The following QTMAN variants were observed in gnomAD, a reference collection of about 807,000 sequenced individuals.
QTMAN encodes queuosine-tRNA mannosyltransferase.
the QTMAN span, chr2:144,319,625 T>C: frequency 6.6e-6 from 1 of 152,116 alleles, no homozygotes; most frequent in Non-Finnish European, 1.5e-5. Flanking sequence ...GCCATACTGG[T>C]GTCACACTCT....
At chr2:144,227,006 T>TGAAACACA in the QTMAN span, among the ~76,000 whole-genome samples, 1 of 152,134 alleles carries the variant, frequency 6.6e-6, no homozygotes, top group Admixed American at 6.5e-5. Flanking sequence ...TGAAATTCTA[T>TGAAACACA]AGTACATAAT....
the QTMAN span, among the ~76,000 whole-genome samples, chr2:144,157,787 C>CTA: frequency 5.2e-3 from 782 of 151,520 alleles, 2 homozygotes; most frequent in Non-Finnish European, 8.0e-3. Context: ...ACATATATAA[C>CTA]TATATATATG....
the QTMAN span, among the ~76,000 whole-genome samples, chr2:143,991,082 A>T: frequency 6.6e-6 from 1 of 152,260 alleles, no homozygotes; most frequent in South Asian, 2.1e-4. Context: ...TATATTATAA[A>T]AAGACATGAA....
At chr2:144,197,780 G>A in the QTMAN span, among the ~76,000 whole-genome samples, 1 of 152,008 alleles carries the variant, frequency 6.6e-6, no homozygotes, top group Non-Finnish European at 1.5e-5. Context: ...TAGATATTTA[G>A]AATCCAATGA....
At chr2:143,946,229 G>A in the QTMAN span, 2 of 151,998 alleles carry the variant, frequency 1.3e-5, no homozygotes, top group African/African-American at 4.8e-5. Flanking sequence ...CTATTTTTAC[G>A]CTGGGAAAAA....
the QTMAN span, among the ~76,000 whole-genome samples, chr2:144,107,432 G>A: frequency 2.6e-5 from 4 of 152,044 alleles, no homozygotes; most frequent in African/African-American, 4.8e-5. Context: ...TATCACCACC[G>A]ATCCCACAGA....
the QTMAN span, among the ~76,000 whole-genome samples, chr2:144,241,848 C>CA: frequency 2.9e-3 from 377 of 130,104 alleles, no homozygotes; most frequent in East Asian, 5.4e-3. Context: ...AATTAAAATA[C>CA]AAAAAAAAAA....
chr2:144,191,903 C>T, the QTMAN span, among the ~76,000 whole-genome samples: 1 of 152,240 alleles, frequency 6.6e-6, no homozygotes, highest in African/African-American at 2.4e-5. Context: ...CACTCCTCTA[C>T]CACAACTAAT....
chr2:144,308,280 C>T, the QTMAN span, among the ~76,000 whole-genome samples: 1 of 151,296 alleles, frequency 6.6e-6, no homozygotes, highest in Non-Finnish European at 1.5e-5. Context: ...GATTCTCCTG[C>T]CTCAGCCTCC....
chr2:144,019,175 C>T, the QTMAN span, among the ~76,000 whole-genome samples: 25 of 152,246 alleles, frequency 1.6e-4, no homozygotes, highest in Middle Eastern at 3.4e-3. Context: ...TCTGAATAAA[C>T]ATTCCAGATA....
chr2:144,205,023 T>A, the QTMAN span, among the ~76,000 whole-genome samples: 1 of 149,754 alleles, frequency 6.7e-6, no homozygotes, highest in Non-Finnish European at 1.5e-5. Flanking sequence ...GGGATAGCAT[T>A]AAGAGATATA....
chr2:144,140,091 C>T, the QTMAN span, among the ~76,000 whole-genome samples: 1 of 152,014 alleles, frequency 6.6e-6, no homozygotes, highest in Non-Finnish European at 1.5e-5. Flanking sequence ...CACTTACTTA[C>T]ACTATATGAG....
the QTMAN span, among the ~76,000 whole-genome samples, chr2:144,266,168 G>T: frequency 6.6e-6 from 1 of 152,180 alleles, no homozygotes; most frequent in African/African-American, 2.4e-5. Context: ...ACTGTGGAGG[G>T]TTACTGGAGA....
the QTMAN span, among the ~76,000 whole-genome samples, chr2:144,118,035 A>C: frequency 1.3e-5 from 2 of 152,058 alleles, no homozygotes; most frequent in Middle Eastern, 3.4e-3. Context: ...TTTAGTAGAG[A>C]GGGGGTTTCA....
At chr2:143,967,166 A>G in the QTMAN span, among the ~76,000 whole-genome samples, 1 of 152,226 alleles carries the variant, frequency 6.6e-6, no homozygotes, top group Non-Finnish European at 1.5e-5. Context: ...TATCATGAGC[A>G]TTACATAAAA....
the QTMAN span, among the ~76,000 whole-genome samples, chr2:144,098,034 C>T: frequency 6.6e-6 from 1 of 152,202 alleles, no homozygotes; most frequent in Non-Finnish European, 1.5e-5. Context: ...AGCTGCAGCA[C>T]TCACAAGGCT....
the QTMAN span, among the ~76,000 whole-genome samples, chr2:144,201,145 T>C: frequency 6.6e-5 from 10 of 152,162 alleles, no homozygotes; most frequent in African/African-American, 2.4e-4. Context: ...AAAATGTTAT[T>C]ACAGAGGCAG....
the QTMAN span, among the ~76,000 whole-genome samples, chr2:144,167,652 G>C: frequency 6.6e-6 from 1 of 151,984 alleles, no homozygotes; most frequent in Non-Finnish European, 1.5e-5. Flanking sequence ...CTGTGAAGAA[G>C]GTGACTGTTT....
the QTMAN span, among the ~76,000 whole-genome samples, chr2:144,310,057 C>G: frequency 6.6e-6 from 1 of 152,198 alleles, no homozygotes; most frequent in East Asian, 1.9e-4. Context: ...GTAAGTTCAT[C>G]TGGCAAAGAG....
Sources: allele counts gnomAD v4.1 joint callset (sites outside exome capture counted in the v4.1 genomes callset), GRCh38; gene constraint gnomAD v4.1.1; transcripts MANE v1.5; gene names NCBI Gene and HGNC (gene_info 2026-07-23, HGNC 2026-07-21).